VWC2: variants seen among roughly 807,000 people sequenced by gnomAD.
The protein encoded by VWC2 is von Willebrand factor C domain containing 2, also known as brorin.
Under a neutral mutation model 29.8 loss-of-function variants are expected in VWC2, and 14 were observed. The ratio of observed to expected loss-of-function variants is 0.47; its 90% CI spans 0.31 to 0.74. The LOEUF is 0.74. VWC2 is among the 30% of genes least tolerant of loss of function. The pLI is 0.05. For missense variants in VWC2, 457 were observed against 459.8 expected (o/e 0.99, Z 0.05); for synonymous variants, 213 against 199.0 (o/e 1.07, Z -0.59).
At chr7:49,894,168 C>CTT (rs10654386) in intron 3 of VWC2, among the ~76,000 whole-genome samples, 1 of 151,778 alleles carries the variant, frequency 6.6e-6, no homozygotes, top group Non-Finnish European at 1.5e-5. Flanking sequence ...TCTTTTCTTT[C>CTT]TTTCTTTTGA....
chr7:49,794,031 TA>T (rs1788524503), intron 2 of VWC2, among the ~76,000 whole-genome samples: 1 of 152,218 alleles, frequency 6.6e-6, no homozygotes, highest in Admixed American at 6.5e-5. Context: ...TCAGAGGGGC[TA>T]AGCAGAGCTG....
rs534774079 is a variant in VWC2 at position 49,782,135 on chromosome 7, A to G, written c.696+6004A>G. Among the ~76,000 whole-genome samples the G allele has an allele frequency of 4.6e-5, 7 of 152,342 alleles. No individual in the cohort carries two copies. In the East Asian group the frequency reaches 1.2e-3, roughly 25 times the overall value. ...ATTCCCAGATTGCCTAATTCTTACA[A>G]AAATGAAATGATTCCCAGATGGCAG... On this transcript the variant is annotated intron_variant, in intron 2 of 3. Transcript: ENST00000340652.
intron 3 of VWC2, among the ~76,000 whole-genome samples, chr7:49,824,521 T>G (rs1789347894): frequency 6.6e-6 from 1 of 152,186 alleles, no homozygotes; most frequent in African/African-American, 2.4e-5. Flanking sequence ...CCAACTTTAT[T>G]TTTTAAAATT....
chr7:49,853,823 T>C (rs1790298281), intron 3 of VWC2, among the ~76,000 whole-genome samples: 1 of 151,888 alleles, frequency 6.6e-6, no homozygotes, highest in East Asian at 1.9e-4. Flanking sequence ...CATTAACTGG[T>C]CATTTACATT....
At position 49,776,141 on chromosome 7, in the gene VWC2, G is replaced by C. The variant is rs1460131120; in HGVS notation, c.696+10G>C. On this transcript the variant is annotated intron_variant, in intron 2 of 3. Coordinates refer to ENST00000340652, the MANE Select transcript of VWC2 (RefSeq NM_198570.5). ...TTTGGAGGAGTTCGTGGTAAGATGC[G>C]AACGCCCGCCGGGCGACTTTGCACC... 7 of 1,500,546 alleles carry C rather than the reference G, an allele frequency of 4.7e-6. No homozygotes were observed. The highest frequency in any genetic ancestry group is 2.0e-5 in the Admixed American group (1 of 48,990). 93.0% of individuals were successfully genotyped at this position (1,500,546 alleles called of 1,614,324 possible).
intron 3 of VWC2, among the ~76,000 whole-genome samples, chr7:49,852,911 G>A (rs1255586129): frequency 6.6e-6 from 1 of 152,202 alleles, no homozygotes; most frequent in Non-Finnish European, 1.5e-5. Flanking sequence ...CTGTGGACTT[G>A]GGTAACTACA....
At chr7:49,842,083 G>A (rs1351541129) in intron 3 of VWC2, among the ~76,000 whole-genome samples, 1 of 152,092 alleles carries the variant, frequency 6.6e-6, no homozygotes, top group Non-Finnish European at 1.5e-5. Context: ...GCCCAGGCTG[G>A]TCTTGAACTC....
In VWC2 at chr7:49,815,822, G is replaced by A. The variant is rs1789129147; in HGVS notation, c.826+12982G>A. ...CTTTGTGTCAATTAAATACCAGGAT[G>A]AATTTCAAAGTCCTTCATTAATTCA... is the stretch of plus-strand genomic sequence containing the variant. On this transcript the variant is annotated intron_variant, in intron 3 of 3. Transcript: ENST00000340652. Among the ~76,000 whole-genome samples, 2 of 152,158 alleles carry A rather than the reference G, an allele frequency of 1.3e-5. 1 individual carries two copies. The highest frequency in any genetic ancestry group is 4.1e-4 in the South Asian group (2 of 4,828).
At chr7:49,904,738 T>TG (rs1216842355) in intron 3 of VWC2, among the ~76,000 whole-genome samples, 2 of 145,568 alleles carry the variant, frequency 1.4e-5, no homozygotes, top group East Asian at 3.9e-4. Flanking sequence ...ATATATTAAT[T>TG]TTTTTTTTTT....
At chr7:49,804,394 T>A (rs943555894) in intron 3 of VWC2, among the ~76,000 whole-genome samples, 2 of 152,022 alleles carry the variant, frequency 1.3e-5, no homozygotes, top group African/African-American at 4.8e-5. Context: ...CTGGGAGAGC[T>A]GAGGGCTGGC....
At position 49,918,585 on chromosome 7, in the gene VWC2, T is replaced by G. The variant is rs1252605506; in HGVS notation, c.*6400T>G. 1 of 152,180 alleles carries G rather than the reference T, an allele frequency of 6.6e-6. No homozygotes were observed. The highest frequency in any genetic ancestry group is 2.4e-5 in the African/African-American group (1 of 41,444). 9.4% of individuals were successfully genotyped at this position (152,180 alleles called of 1,614,324 possible). ...TTCAGGTATGATTCTCATATTGAAA[T>G]TTACAAAATATAACCAAATATTGTG... On this transcript the variant is annotated 3_prime_UTR_variant, in exon 4 of 4. Transcript: ENST00000340652.
chr7:49,831,871 C>CA (rs2128711534), intron 3 of VWC2, among the ~76,000 whole-genome samples: 1 of 152,214 alleles, frequency 6.6e-6, no homozygotes, highest in South Asian at 2.1e-4. Context: ...AGAACTTAGG[C>CA]AAAAAGAGTT....
intron 2 of VWC2, among the ~76,000 whole-genome samples, chr7:49,797,134 C>A (rs986320316): frequency 6.6e-6 from 1 of 152,198 alleles, no homozygotes; most frequent in Admixed American, 6.5e-5. Flanking sequence ...ACTTTGCCAT[C>A]AAGTTAATAT....
chr7:49,774,222 C>G (rs912422944), intron 1 of VWC2, 109 bp downstream of exon 1: 2 of 152,752 alleles, frequency 1.3e-5, no homozygotes, highest in Non-Finnish European at 2.9e-5. Flanking sequence ...CCGGAGGAAC[C>G]CCCTCCCCCG....
intron 3 of VWC2, among the ~76,000 whole-genome samples, chr7:49,892,896 G>A (rs569732210): frequency 6.6e-6 from 1 of 152,270 alleles, no homozygotes; most frequent in South Asian, 2.1e-4. Context: ...CTTTCGCTGA[G>A]GTTCTCAGTA....
At chr7:49,885,493 T>G (rs1466657698) in intron 3 of VWC2, among the ~76,000 whole-genome samples, 1 of 151,660 alleles carries the variant, frequency 6.6e-6, no homozygotes, top group Admixed American at 6.6e-5. Flanking sequence ...AATTACATTC[T>G]GAAAAGGTAA....
At chr7:49,853,869 C>T (rs192114516) in intron 3 of VWC2, among the ~76,000 whole-genome samples, 2 of 128,554 alleles carry the variant, frequency 1.6e-5, no homozygotes, top group South Asian at 3.1e-4. Flanking sequence ...CCCCCCTCCC[C>T]CCACCCCACA....
intron 3 of VWC2, among the ~76,000 whole-genome samples, chr7:49,863,885 G>A (rs1043484154): frequency 6.6e-6 from 1 of 152,118 alleles, no homozygotes; most frequent in African/African-American, 2.4e-5. Flanking sequence ...TATAATATAA[G>A]CATTTATAGC....
chr7:49,911,338 T>G (rs1186752568), intron 3 of VWC2, among the ~76,000 whole-genome samples: 2 of 151,650 alleles, frequency 1.3e-5, no homozygotes, highest in Non-Finnish European at 2.9e-5. Flanking sequence ...AAAAATTAGC[T>G]GGGTGTGGTG....
Sources: gnomAD v4.1 joint callset for allele counts (sites outside exome capture counted in the v4.1 genomes callset) on GRCh38, gnomAD v4.1.1 for gene constraint, MANE v1.5 for transcripts, NCBI Gene and HGNC (gene_info 2026-07-23, HGNC 2026-07-21) for gene names.